The following RBFOX1 variants were observed in gnomAD, a reference collection of about 807,000 sequenced individuals.
The protein encoded by RBFOX1 is RNA binding protein fox-1 homolog 1.
A neutral mutation model predicts 57.7 loss-of-function variants in RBFOX1; 8 were observed. The ratio of observed to expected loss-of-function variants is 0.14; its 90% CI spans 0.08 to 0.25. RBFOX1 has a LOEUF of 0.25. RBFOX1 is among the 10% of genes least tolerant of loss of function. The pLI, the probability that RBFOX1 is intolerant of heterozygous loss-of-function variation, is 1.00. For synonymous variants in RBFOX1, 326 were observed against 222.4 expected, an observed-to-expected ratio of 1.47 and a Z score of -4.15; for missense variants, 611 against 548.5, an observed-to-expected ratio of 1.11 and a Z score of -1.14.
intron 3 of RBFOX1, among the ~76,000 whole-genome samples, chr16:6,783,263 A>T (rs1182467744): frequency 8.6e-5 from 13 of 150,756 alleles, no homozygotes; most frequent in African/African-American, 3.2e-4. Context: ...AGGACTTACT[A>T]CCGCCATTTA....
intron 2 of RBFOX1, among the ~76,000 whole-genome samples, chr16:6,640,281 A>G (rs936567422): frequency 6.6e-6 from 1 of 152,170 alleles, no homozygotes; most frequent in African/African-American, 2.4e-5. Context: ...ACTATTAAGA[A>G]CTAGGCTATA....
chr16:7,082,658 C>T (rs1291303404), intron 4 of RBFOX1, among the ~76,000 whole-genome samples: 1 of 151,988 alleles, frequency 6.6e-6, no homozygotes, highest in East Asian at 2.0e-4. Flanking sequence ...TGTTTAGTAA[C>T]ACAACTGTTT....
chr16:6,880,274 A>G (rs925389500), intron 3 of RBFOX1, among the ~76,000 whole-genome samples: 1 of 152,100 alleles, frequency 6.6e-6, no homozygotes, highest in Non-Finnish European at 1.5e-5. Context: ...CTTGGGGAAA[A>G]AAATGAGACA....
intron 1 of RBFOX1, among the ~76,000 whole-genome samples, chr16:5,410,741 G>T (rs1401934701): frequency 6.6e-6 from 1 of 151,964 alleles, no homozygotes; most frequent in Non-Finnish European, 1.5e-5. Context: ...CACTGCTCCA[G>T]CTGTTCCTCC....
At chr16:7,271,914 C>T (rs867582840) in intron 4 of RBFOX1, among the ~76,000 whole-genome samples, 10 of 152,272 alleles carry the variant, frequency 6.6e-5, no homozygotes, top group Admixed American at 1.3e-4. Context: ...CATGAGTGCC[C>T]CAGTCCTGCT....
chr16:5,947,335 T>C lies in RBFOX1; in HGVS notation c.351+80000T>C, dbSNP rs2059420734. 6.6e-6 allele frequency among the ~76,000 whole-genome samples: 1 copy of C among 152,218 alleles called. No homozygotes were observed. ...ATCGCCATCGAATGGACACCTCTTT[T>C]TACAACCATGTGTTCTACATTGCAA... On this transcript the variant is annotated intron_variant, in intron 4 of 19. Transcript: ENST00000641259. This position sits in a 1 kb window ranked among gnomAD's most constrained non-coding sequence, Gnocchi z 7.2.
chr16:5,367,477 C>A (rs886715781), intron 1 of RBFOX1, among the ~76,000 whole-genome samples: 12 of 152,270 alleles, frequency 7.9e-5, no homozygotes, highest in Admixed American at 3.9e-4. Flanking sequence ...TGTGGGTTCT[C>A]ACTGCATGTG....
At chr16:5,379,992 G>A (rs1408944840) in intron 1 of RBFOX1, among the ~76,000 whole-genome samples, 35 of 152,204 alleles carry the variant, frequency 2.3e-4, no homozygotes, top group Admixed American at 2.2e-3. Flanking sequence ...GAACCTGGGA[G>A]CCTGGGCACA....
chr16:5,970,700 C>A (rs746367779), intron 4 of RBFOX1, among the ~76,000 whole-genome samples: 1 of 152,192 alleles, frequency 6.6e-6, no homozygotes, highest in Admixed American at 6.5e-5. Flanking sequence ...GGAGGTCTTT[C>A]TTTTCCTTCT....
At chr16:6,899,473 A>G (rs970936386) in intron 3 of RBFOX1, among the ~76,000 whole-genome samples, 6 of 152,240 alleles carry the variant, frequency 3.9e-5, no homozygotes, top group Admixed American at 3.3e-4. Flanking sequence ...TGGTCTGTCA[A>G]GAGCACCGAG....
In RBFOX1 at chr16:6,573,021, A is replaced by G. The variant is rs375668502; in HGVS notation, c.-63-81582A>G. Among the ~76,000 whole-genome samples, 5 of 152,262 alleles carry G rather than the reference A, an allele frequency of 3.3e-5. No homozygotes were observed. In the East Asian group the frequency reaches 9.7e-4, roughly 29 times the overall value. ...TAGTCAGGGATCACTCTATTAAGAGATCAAGTCAACACTCAATTCTCCTAC... is the reference window on the plus strand; with the variant it reads ...TAGTCAGGGATCACTCTATTAAGAGGTCAAGTCAACACTCAATTCTCCTAC... On this transcript the variant is annotated intron_variant, in intron 2 of 15. Transcript: ENST00000550418.
chr16:6,336,177 ATATATTTTTTTTTTTTTTTTTT>A (rs1197988590), intron 2 of RBFOX1, among the ~76,000 whole-genome samples: 19 of 26,438 alleles, frequency 7.2e-4, no homozygotes, highest in African/African-American at 2.6e-3. Flanking sequence ...ATATATATAT[ATATATTTTTTTTTTTTTTTTTT>A]TTTTTTTTTT....
intron 4 of RBFOX1, among the ~76,000 whole-genome samples, chr16:7,274,545 C>T (rs1318459363): frequency 2.0e-5 from 3 of 152,158 alleles, no homozygotes. Flanking sequence ...GTACTTGCTT[C>T]TGACACTAAC....
rs140494452 is a variant in RBFOX1 at position 6,343,814 on chromosome 16, A to G, written c.-64+26757A>G. ...ATTAATTCTGTGTTTTCCATGCATAATATTCCCTTTGGATTAAGGATTACT... is the reference window on the plus strand; with the variant it reads ...ATTAATTCTGTGTTTTCCATGCATAGTATTCCCTTTGGATTAAGGATTACT... On this transcript the variant is annotated intron_variant, in intron 2 of 15. Coordinates refer to ENST00000550418, the MANE Select transcript of RBFOX1 (RefSeq NM_018723.4). Among the ~76,000 whole-genome samples, 586 of 152,262 alleles carry G rather than the reference A, an allele frequency of 3.8e-3. 5 individuals are homozygous for G. The highest frequency in any genetic ancestry group is 7.3e-3 in the Admixed American group (112 of 15,298).
At chr16:5,435,683 G>A (rs1311378824) in intron 1 of RBFOX1, among the ~76,000 whole-genome samples, 2 of 152,108 alleles carry the variant, frequency 1.3e-5, no homozygotes, top group Non-Finnish European at 1.5e-5. Context: ...GTCAGGGAAG[G>A]GAAACATGTG....
chr16:6,206,204 C>G (rs1168581478), intron 1 of RBFOX1, among the ~76,000 whole-genome samples: 1 of 152,104 alleles, frequency 6.6e-6, no homozygotes, highest in Admixed American at 6.5e-5. Context: ...CTTTAGCGTT[C>G]TTGGCTTCCT....
At chr16:5,343,811 T>C (rs750798182) in intron 1 of RBFOX1, among the ~76,000 whole-genome samples, 5 of 152,238 alleles carry the variant, frequency 3.3e-5, no homozygotes, top group Non-Finnish European at 5.9e-5. Flanking sequence ...TTTGATATGA[T>C]GGCACCTGTA....
At chr16:5,891,280 G>A (rs141279261) in intron 4 of RBFOX1, among the ~76,000 whole-genome samples, 172 of 152,276 alleles carry the variant, frequency 1.1e-3, no homozygotes, top group Middle Eastern at 3.4e-3. Context: ...AGGAGCTGTC[G>A]GATGGCTGGA....
intron 3 of RBFOX1, among the ~76,000 whole-genome samples, chr16:5,837,821 C>T (rs757354851): frequency 1.3e-5 from 2 of 152,132 alleles, no homozygotes; most frequent in Non-Finnish European, 2.9e-5. Context: ...ATCACACTAT[C>T]CTTAGTATTG....
Sources: allele counts gnomAD v4.1 joint callset (sites outside exome capture counted in the v4.1 genomes callset), GRCh38; gene constraint gnomAD v4.1.1; non-coding constraint Gnocchi (gnomAD v3.1); transcripts MANE v1.5; gene names NCBI Gene and HGNC (gene_info 2026-07-23, HGNC 2026-07-21).